ATXN2: variants seen among roughly 807,000 people sequenced by gnomAD.
The protein encoded by ATXN2 is ataxin 2, also known as ataxin-2.
Under a neutral mutation model 138.6 loss-of-function variants are expected in ATXN2, and 37 were observed. The observed-to-expected ratio is 0.27, with a 90% CI of 0.21 to 0.35. The LOEUF (loss-of-function observed/expected upper bound fraction) is 0.35. ATXN2 is among the 10% of genes least tolerant of loss of function. ATXN2 has a pLI of 1.00. For synonymous variants in ATXN2, 549 were observed against 543.7 expected (o/e 1.01, Z -0.13); for missense variants, 1,216 against 1,480.3 (o/e 0.82, Z 2.93).
intron 5 of ATXN2, among the ~76,000 whole-genome samples, chr12:111,528,811 A>C (rs974124949): frequency 1.3e-5 from 2 of 152,184 alleles, no homozygotes; most frequent in Non-Finnish European, 2.9e-5. Context: ...CCTGGCTATA[A>C]GTAATGCATT....
chr12:111,468,696 C>CTTTTTTTTTTTTT lies in ATXN2; in HGVS notation c.2842+1399_2842+1411dup, dbSNP rs1007805276. 1.8e-5 allele frequency: 2 copies of CTTTTTTTTTTTTT among 108,524 alleles called. 1 individual carries two copies. The highest frequency in any genetic ancestry group is 3.6e-5 in the Non-Finnish European group (2 of 55,372). The allele number at this position is 108,524 out of a possible 1,614,324, so 6.7% of individuals were successfully genotyped here. ...AAGGTTTGCCAGAAATCTGTAAATT[C>CTTTTTTTTTTTTT]TTTTTTTTTTTTTTTTTTTTTGGAG... On this transcript the variant is annotated intron_variant, in intron 20 of 24. Coordinates refer to ENST00000673436, the MANE Select transcript of ATXN2 (RefSeq NM_001372574.1).
intron 5 of ATXN2, among the ~76,000 whole-genome samples, chr12:111,527,297 T>A (rs565544613): frequency 6.6e-6 from 1 of 152,314 alleles, no homozygotes; most frequent in African/African-American, 2.4e-5. Context: ...CAGCCACTGT[T>A]CCTTCCCAGT....
chr12:111,485,440 T>C, intron 17 of ATXN2, 109 bp from the exon 18 acceptor site: 1 of 1,125,318 alleles, frequency 8.9e-7, no homozygotes, highest in Non-Finnish European at 1.3e-6. Flanking sequence ...GAAGGTTTCC[T>C]GATTCTCCAT....
intron 1 of ATXN2, chr12:111,597,838 C>T (rs932804119): frequency 5.5e-6 from 7 of 1,275,278 alleles, no homozygotes; most frequent in East Asian, 5.6e-5. Flanking sequence ...GGGATAAGTG[C>T]GCAGGGTGCC....
intron 1 of ATXN2, among the ~76,000 whole-genome samples, chr12:111,576,051 C>T (rs1296139059): frequency 6.6e-6 from 1 of 151,914 alleles, no homozygotes; most frequent in Non-Finnish European, 1.5e-5. Flanking sequence ...CGCTGCACTC[C>T]AGCCTGGGCG....
At chr12:111,455,900 A>G (rs1270375328) in intron 23 of ATXN2, 129 bp downstream of exon 23, 1 of 897,676 alleles carries the variant, frequency 1.1e-6, no homozygotes, top group African/African-American at 1.6e-5. Flanking sequence ...CGTGTATTTG[A>G]GAGGGAAAGG....
At chr12:111,473,986 T>G (rs1255968509) in intron 18 of ATXN2, among the ~76,000 whole-genome samples, 1 of 152,192 alleles carries the variant, frequency 6.6e-6, no homozygotes, top group African/African-American at 2.4e-5. Flanking sequence ...GGCTCATGCC[T>G]GTAATCCTGG....
intron 1 of ATXN2, among the ~76,000 whole-genome samples, chr12:111,594,008 T>A (rs1474804474): frequency 6.6e-6 from 1 of 152,160 alleles, no homozygotes; most frequent in Non-Finnish European, 1.5e-5. Flanking sequence ...CCCCAATCCA[T>A]TTAAAATTGT....
chr12:111,547,258 C>T (rs558874552), intron 5 of ATXN2, among the ~76,000 whole-genome samples: 9 of 152,010 alleles, frequency 5.9e-5, no homozygotes, highest in Non-Finnish European at 1.3e-4. Flanking sequence ...GAAACCCCGT[C>T]TCTACTAAAA....
At chr12:111,585,873 T>C (rs1297785194) in intron 1 of ATXN2, among the ~76,000 whole-genome samples, 2 of 151,474 alleles carry the variant, frequency 1.3e-5, no homozygotes, top group African/African-American at 2.4e-5. Flanking sequence ...TGTCTGTTTT[T>C]TAGTAGTTCC....
intron 18 of ATXN2, among the ~76,000 whole-genome samples, chr12:111,478,396 AT>A (rs1406130858): frequency 6.6e-6 from 1 of 152,128 alleles, no homozygotes; most frequent in East Asian, 1.9e-4. Flanking sequence ...ATAGAGTGAG[AT>A]TCCATCAAAT....
intron 5 of ATXN2, among the ~76,000 whole-genome samples, chr12:111,533,586 C>T (rs1285886062): frequency 6.6e-6 from 1 of 151,804 alleles, no homozygotes; most frequent in African/African-American, 2.4e-5. Context: ...AGTGCAGTGA[C>T]ACAATCTCAG....
rs1565997803 is a variant in ATXN2 at position 111,452,661 on chromosome 12, G to A, written c.*151C>T. On this transcript the variant is annotated 3_prime_UTR_variant, in exon 25 of 25. Coordinates refer to ENST00000673436, the MANE Select transcript of ATXN2 (RefSeq NM_001372574.1). ...GGTCCAAGTATCTTCCACTGCAAGTGAACTGTTAGCATTCCTATTGGATGT... is the reference window on the plus strand; with the variant it reads ...GGTCCAAGTATCTTCCACTGCAAGTAAACTGTTAGCATTCCTATTGGATGT... 1.1e-6 allele frequency: 1 copy of A among 901,444 alleles called. No individual in the cohort carries two copies. The highest frequency in any genetic ancestry group is 2.1e-5 in the Admixed American group (1 of 47,850). 55.8% of individuals were successfully genotyped at this position (901,444 alleles called of 1,614,324 possible).
intron 7 of ATXN2, among the ~76,000 whole-genome samples, chr12:111,520,565 C>T (rs1880101892): frequency 6.6e-6 from 1 of 152,042 alleles, no homozygotes; most frequent in Non-Finnish European, 1.5e-5. Context: ...GCAGGAGAAT[C>T]GCTTGAACCC....
chr12:111,496,836 A>T (rs191677287), intron 14 of ATXN2, among the ~76,000 whole-genome samples: 61 of 151,932 alleles, frequency 4.0e-4, no homozygotes, highest in Non-Finnish European at 7.5e-4. Flanking sequence ...AAAAGCAAGG[A>T]CAAAACCTAA....
At chr12:111,553,012 T>A in intron 3 of ATXN2, 35 bp from the exon 4 acceptor site, 1 of 1,367,530 alleles carries the variant, frequency 7.3e-7, no homozygotes, top group South Asian at 1.4e-5. Flanking sequence ...AAAGAAACAG[T>A]ATACTACCCG....
intron 18 of ATXN2, among the ~76,000 whole-genome samples, chr12:111,483,639 G>A (rs1877429132): frequency 6.6e-6 from 1 of 151,640 alleles, no homozygotes; most frequent in Non-Finnish European, 1.5e-5. Context: ...TTACAGATGT[G>A]AGCCACCACA....
At chr12:111,458,891 G>A (rs1352843963) in intron 21 of ATXN2, among the ~76,000 whole-genome samples, 1 of 152,168 alleles carries the variant, frequency 6.6e-6, no homozygotes, top group African/African-American at 2.4e-5. Context: ...CCTAGGTGTT[G>A]TAGGGCTAAG....
At position 111,596,205 on chromosome 12, in the gene ATXN2, A is replaced by AACACACACACAC. The variant is rs35316415; in HGVS notation, c.251+2567_251+2578dup. Among the ~76,000 whole-genome samples, 59 of 141,844 alleles carry AACACACACACAC rather than the reference A, an allele frequency of 4.2e-4. 2 individuals are homozygous for AACACACACACAC. In the East Asian group the frequency reaches 7.8e-3, roughly 19 times the overall value. 93.1% of individuals were successfully genotyped at this position (141,844 alleles called of 152,430 possible). A position where few individuals can be genotyped will look rare whatever the true frequency, so the allele number is the denominator to read the frequency against. On this transcript the variant is annotated intron_variant, in intron 1 of 24. Coordinates refer to ENST00000673436, the MANE Select transcript of ATXN2 (RefSeq NM_001372574.1). ...GGCGACAGAGTGAGATTCCATCCAA[A>AACACACACACAC]ACACACACACACACACACACACACA...
Sources: gnomAD v4.1 joint callset for allele counts (sites outside exome capture counted in the v4.1 genomes callset) on GRCh38, gnomAD v4.1.1 for gene constraint, MANE v1.5 for transcripts, NCBI Gene and HGNC (gene_info 2026-07-23, HGNC 2026-07-21) for gene names.